The following DRC11 variants were observed in gnomAD, a reference collection of about 807,000 sequenced individuals.
DRC11 encodes the protein dynein regulatory complex subunit 11.
the DRC11 span, among the ~76,000 whole-genome samples, chr2:236,393,964 G>A: frequency 1.3e-5 from 2 of 151,984 alleles, no homozygotes; most frequent in African/African-American, 2.4e-5. The surrounding 1 kb of genome is among the most constrained non-coding windows in gnomAD (Gnocchi z 4.7). Context: ...ACGCTGATAT[G>A]GTGATGGTAA....
chr2:236,353,042 C>T, the DRC11 span, among the ~76,000 whole-genome samples: 1 of 152,168 alleles, frequency 6.6e-6, no homozygotes, highest in Non-Finnish European at 1.5e-5. This position sits in a 1 kb window ranked among gnomAD's most constrained non-coding sequence, Gnocchi z 5.0. Flanking sequence ...TTCTCCTCGA[C>T]AAGTATTAAT....
At chr2:236,327,745 T>C in the DRC11 span, among the ~76,000 whole-genome samples, 3 of 152,074 alleles carry the variant, frequency 2.0e-5, no homozygotes, top group East Asian at 3.9e-4. Context: ...TGCAATGGCA[T>C]GATCTTGGCT....
chr2:236,441,554 TTTAG>T, the DRC11 span, among the ~76,000 whole-genome samples: 2 of 152,192 alleles, frequency 1.3e-5, no homozygotes, highest in Admixed American at 1.3e-4. Context: ...TGCTTTAGGT[TTTAG>T]TTAAATCTGA....
chr2:236,384,395 T>C, the DRC11 span, among the ~76,000 whole-genome samples: 2 of 152,122 alleles, frequency 1.3e-5, no homozygotes, highest in East Asian at 3.8e-4. Flanking sequence ...TGGTTTTGAT[T>C]TGCATTTCTC....
the DRC11 span, chr2:236,331,493 C>T: frequency 2.5e-6 from 4 of 1,613,892 alleles, no homozygotes; most frequent in Non-Finnish European, 3.4e-6. The surrounding 1 kb of genome is among the most constrained non-coding windows in gnomAD (Gnocchi z 4.8). Context: ...ACCACTTCGA[C>T]TATATGTCCT....
At chr2:236,465,722 T>A in the DRC11 span, 2 of 1,549,406 alleles carry the variant, frequency 1.3e-6, no homozygotes, top group Non-Finnish European at 1.8e-6. This position sits in a 1 kb window ranked among gnomAD's most constrained non-coding sequence, Gnocchi z 6.2. Context: ...TGAAAATATA[T>A]ACAAGCAACA....
At chr2:236,364,536 G>C in the DRC11 span, among the ~76,000 whole-genome samples, 1 of 152,134 alleles carries the variant, frequency 6.6e-6, no homozygotes, top group East Asian at 1.9e-4. Flanking sequence ...TAGCGGCAGA[G>C]TTAACCTGAC....
the DRC11 span, among the ~76,000 whole-genome samples, chr2:236,356,459 A>T: frequency 6.6e-6 from 1 of 152,196 alleles, no homozygotes; most frequent in Non-Finnish European, 1.5e-5. Context: ...AGGGTGGGGC[A>T]TGCGGAGCCG....
At chr2:236,337,197 A>C in the DRC11 span, among the ~76,000 whole-genome samples, 4 of 152,188 alleles carry the variant, frequency 2.6e-5, no homozygotes, top group Non-Finnish European at 5.9e-5. The surrounding 1 kb of genome is among the most constrained non-coding windows in gnomAD (Gnocchi z 4.9). Context: ...AGGTACATTA[A>C]GGAGAATGCC....
At chr2:236,408,708 C>A in the DRC11 span, 1 of 712,896 alleles carries the variant, frequency 1.4e-6, no homozygotes, top group Admixed American at 1.8e-5. This position sits in a 1 kb window ranked among gnomAD's most constrained non-coding sequence, Gnocchi z 5.5. Context: ...AGATTTATGC[C>A]AGTTGTTAGA....
At chr2:236,357,722 TATATAA>T in the DRC11 span, among the ~76,000 whole-genome samples, 28 of 126,398 alleles carry the variant, frequency 2.2e-4, no homozygotes, top group African/African-American at 6.9e-4. Flanking sequence ...GTATTTATAA[TATATAA>T]ATATACATAT....
the DRC11 span, among the ~76,000 whole-genome samples, chr2:236,417,584 A>C: frequency 2.1e-4 from 31 of 150,020 alleles, 1 homozygote; most frequent in East Asian, 6.0e-3. Flanking sequence ...ATATTACTTT[A>C]AGTTCTGGGA....
chr2:236,437,750 G>A, the DRC11 span, among the ~76,000 whole-genome samples: 53 of 152,308 alleles, frequency 3.5e-4, no homozygotes, highest in African/African-American at 1.3e-3. Context: ...CTTTTGAGAA[G>A]TGTCTGTTCA....
the DRC11 span, among the ~76,000 whole-genome samples, chr2:236,321,601 G>A: frequency 1.3e-5 from 2 of 152,116 alleles, no homozygotes; most frequent in African/African-American, 4.8e-5. Context: ...CAGACAAAGG[G>A]CCCTCTGATC....
chr2:236,420,703 G>A, the DRC11 span, among the ~76,000 whole-genome samples: 1 of 152,256 alleles, frequency 6.6e-6, no homozygotes, highest in Middle Eastern at 3.4e-3. This position sits in a 1 kb window ranked among gnomAD's most constrained non-coding sequence, Gnocchi z 4.8. Flanking sequence ...CCAGCTATCT[G>A]GGAGGCTGAG....
chr2:236,358,771 C>T, the DRC11 span, among the ~76,000 whole-genome samples: 1 of 149,200 alleles, frequency 6.7e-6, no homozygotes, highest in Non-Finnish European at 1.5e-5. Context: ...TGCTGAATGT[C>T]AACAAAAATG....
At chr2:236,418,271 T>C in the DRC11 span, among the ~76,000 whole-genome samples, 9 of 152,230 alleles carry the variant, frequency 5.9e-5, no homozygotes, top group African/African-American at 1.4e-4. Flanking sequence ...ACCATTCTAA[T>C]TGGCGTGAGA....
chr2:236,438,870 C>T, the DRC11 span, among the ~76,000 whole-genome samples: 1 of 151,888 alleles, frequency 6.6e-6, no homozygotes, highest in African/African-American at 2.4e-5. Context: ...CAAACTATCT[C>T]TCAGACCACA....
the DRC11 span, among the ~76,000 whole-genome samples, chr2:236,439,281 C>G: frequency 6.6e-6 from 1 of 152,090 alleles, no homozygotes; most frequent in Non-Finnish European, 1.5e-5. Flanking sequence ...AATCCAGGAG[C>G]TGTTTTTTTG....
Sources: allele counts gnomAD v4.1 joint callset (sites outside exome capture counted in the v4.1 genomes callset), GRCh38; gene constraint gnomAD v4.1.1; non-coding constraint Gnocchi (gnomAD v3.1); transcripts MANE v1.5; gene names NCBI Gene and HGNC (gene_info 2026-07-23, HGNC 2026-07-21).